SPSB3: variants seen among roughly 807,000 people sequenced by gnomAD.
SPSB3 encodes the protein splA/ryanodine receptor domain and SOCS box containing 3.
A neutral mutation model predicts 29.5 loss-of-function variants in SPSB3; 18 were observed. The ratio of observed to expected loss-of-function variants is 0.61; its 90% confidence interval spans 0.42 to 0.91. The LOEUF is 0.91. Among genes scored for constraint, SPSB3 ranks in the 40% least tolerant of loss-of-function variants. The pLI, the probability that SPSB3 is intolerant of heterozygous loss-of-function variation, is 0.00. For synonymous variants in SPSB3, 299 were observed against 214.1 expected (o/e 1.40, Z -3.46); for missense variants, 540 against 507.5 (o/e 1.06, Z -0.61).
intron 6 of SPSB3, 151 bp from the exon 7 acceptor site, chr16:1,777,594 C>T: frequency 7.2e-7 from 1 of 1,396,700 alleles, no homozygotes; most frequent in Non-Finnish European, 9.6e-7. Flanking sequence ...CCACTCCAGC[C>T]TGGCCTCACT....
chr16:1,778,689 ACCCTGTCCCT>A, intron 2 of SPSB3, 77 bp from the exon 3 acceptor site: 38 of 1,468,332 alleles, frequency 2.6e-5, no homozygotes, highest in Non-Finnish European at 3.1e-5. Context: ...TCCCTGTCCC[ACCCTGTCCCT>A]GACCCACCCA....
chr16:1,777,738 C>T lies in SPSB3; in HGVS notation c.721+9G>A, dbSNP rs763297015. On this transcript the variant is annotated intron_variant, in intron 6 of 6. Coordinates refer to ENST00000566339, the MANE Select transcript of SPSB3 (RefSeq NM_080861.4). ...GCTGAGAGGAGCTCAAGTCCTGTGA[C>T]GGCCTCACCTATACACTTCCTGTTC... 1.4e-5 allele frequency: 23 copies of T among 1,611,092 alleles called. 1 individual carries two copies. The South Asian group carries it at 1.4e-4, about 10-fold the overall frequency.
At position 1,781,342 on chromosome 16, in the gene SPSB3, G is replaced by A. The variant is rs374550636; in HGVS notation, c.126+16C>T. ...ACCTTAGGCCAGCCACGTCCGCCTCGCCCGCTGGAACCTACCTGCCCATCA... is the reference window on the plus strand; with the variant it reads ...ACCTTAGGCCAGCCACGTCCGCCTCACCCGCTGGAACCTACCTGCCCATCA... On this transcript the variant is annotated intron_variant, in intron 2 of 6. Transcript: ENST00000566339. The A allele has an allele frequency of 4.5e-4, 727 of 1,612,706 alleles. 2 individuals are homozygous for A. Among genetic ancestry groups the A allele is most frequent in the Admixed American group, 5.8e-4 (35 of 59,986 alleles).
In SPSB3 at chr16:1,778,615, G is replaced by A; in HGVS notation, c.127-3C>T. On this transcript the variant is annotated splice_polypyrimidine_tract_variant and splice_region_variant and intron_variant, in intron 2 of 6. Transcript: ENST00000566339. ...GGGTCGGAGTCCGAGTCGCTGTGCT[G>A]GGAGAGAAGGGCCGGCTGTTACTAC... The A allele has an allele frequency of 1.0e-5, 16 of 1,541,602 alleles. No homozygotes were observed. The highest frequency in any genetic ancestry group is 1.4e-5 in the African/African-American group (1 of 73,620).
chr16:1,777,053 A>C lies in SPSB3; in HGVS notation c.*44T>G. Reference sequence around the variant, plus strand: ...GACAGAGAAAGAAGGGACAGAGGAAAGGGGCTGTCCCAGCCCAAGAAGGCA... The same window carrying C: ...GACAGAGAAAGAAGGGACAGAGGAACGGGGCTGTCCCAGCCCAAGAAGGCA... On this transcript the variant is annotated 3_prime_UTR_variant, in exon 7 of 7. Transcript: ENST00000566339. 1 of 1,570,440 alleles carries C rather than the reference A, an allele frequency of 6.4e-7. No individual in the cohort carries two copies. The highest frequency in any genetic ancestry group is 2.2e-5 in the East Asian group (1 of 44,540).
intron 1 of SPSB3, chr16:1,781,766 C>A: frequency 4.2e-6 from 2 of 481,058 alleles, no homozygotes. Context: ...CCTCACGAAC[C>A]TGGCTGCCCC....
rs376234209 is a variant in SPSB3, at chr16:1,778,140, G to T, written c.486C>A (p.Thr162=). ...EIKMTSPVYG[T]DMMVGIGTSD... ...CTGGGCCGAAGCAACTTACCATGTC[G>T]GTGCCGTAGACGGGAGAGGTCATCT... Residue 162 remains threonine (T), a synonymous_variant, in exon 4 of 7, where the codon ACC becomes ACA. Coordinates refer to ENST00000566339, the MANE Select transcript of SPSB3 (RefSeq NM_080861.4). 1.5e-4 allele frequency: 248 copies of T among 1,612,676 alleles called. 3 individuals carry two copies. The Admixed American group carries it at 3.8e-3, about 25-fold the overall frequency.
intron 4 of SPSB3, 34 bp from the exon 5 acceptor site, chr16:1,778,082 T>C (rs1452449580): frequency 2.5e-6 from 4 of 1,612,994 alleles, no homozygotes; most frequent in Non-Finnish European, 3.4e-6. Flanking sequence ...GGCGCGGGGC[T>C]GGGCTGCCGG....
At position 1,782,507 on chromosome 16, in the gene SPSB3, G is replaced by A. The variant is rs979775526; in HGVS notation, c.-18C>T. 2.6e-5 allele frequency: 4 copies of A among 152,740 alleles called. No homozygotes were observed. The highest frequency in any genetic ancestry group is 7.2e-5 in the African/African-American group (3 of 41,464). 9.5% of individuals were successfully genotyped at this position (152,740 alleles called of 1,614,324 possible). ...GCCCGTGCCCCGCCACTCACCTGCA[G>A]CCCCCGCTGCGCGCTCCGCCGGCCC... On this transcript the variant is annotated 5_prime_UTR_variant, in exon 1 of 7. Transcript: ENST00000566339.
chr16:1,777,057 G>A lies in SPSB3; in HGVS notation c.*40C>T, dbSNP rs563481366. ...GAGAAAGAAGGGACAGAGGAAAGGG[G>A]CTGTCCCAGCCCAAGAAGGCAGTTC... On this transcript the variant is annotated 3_prime_UTR_variant, in exon 7 of 7. Transcript: ENST00000566339. 8.2e-6 allele frequency: 13 copies of A among 1,588,158 alleles called. No homozygotes were observed. Among genetic ancestry groups the A allele is most frequent in the Middle Eastern group, 1.7e-4 (1 of 5,950 alleles).
chr16:1,778,361 C>T, intron 3 of SPSB3, 40 bp from the exon 4 acceptor site: 1 of 1,610,658 alleles, frequency 6.2e-7, no homozygotes, highest in Non-Finnish European at 8.5e-7. Context: ...CTGAGAGCTC[C>T]ATGGGGCTCT....
chr16:1,779,275 T>C (rs140094914), intron 2 of SPSB3: 3 of 152,416 alleles, frequency 2.0e-5, no homozygotes, highest in African/African-American at 7.2e-5. Flanking sequence ...TGGGAGGCAG[T>C]GCCCCTCCCA....
chr16:1,777,259 C>T lies in SPSB3; in HGVS notation c.906G>A (p.Pro302=), dbSNP rs373221053. The T allele has an allele frequency of 1.4e-4, 226 of 1,610,350 alleles. No individual in the cohort carries two copies. The highest frequency in any genetic ancestry group is 2.5e-4 in the Admixed American group (15 of 60,000). Residue 302 remains proline, a synonymous_variant, in exon 7 of 7, where the codon CCG becomes CCA. Coordinates refer to ENST00000566339, the MANE Select transcript of SPSB3 (RefSeq NM_080861.4). The part of the protein sequence containing the change: ...SGDTLEGLPL[P]PGLKQVLHNK... Reference sequence around the variant, plus strand: ...TGTGTAGCACCTGCTTGAGGCCCGGCGGCAGCGGCAGACCCTCCAGCGTGT... The same window carrying T: ...TGTGTAGCACCTGCTTGAGGCCCGGTGGCAGCGGCAGACCCTCCAGCGTGT...
At chr16:1,781,300 G>C in intron 2 of SPSB3, 58 bp downstream of exon 2, 5 of 1,612,526 alleles carry the variant, frequency 3.1e-6, no homozygotes, top group Non-Finnish European at 4.2e-6. Flanking sequence ...CTGCCTGCCT[G>C]CCTAGGGCAT....
chr16:1,777,241 C>T lies in SPSB3; in HGVS notation c.924G>A (p.Val308=). Residue 308 remains valine, a synonymous_variant, in exon 7 of 7, where the codon GTG becomes GTA. Coordinates refer to ENST00000566339, the MANE Select transcript of SPSB3 (RefSeq NM_080861.4). ...GLPLPPGLKQ[V]LHNKLGWVLS... is the part of the protein sequence containing the mutation. ...GGACCCAGCCCAGCTTGTTGTGTAG[C>T]ACCTGCTTGAGGCCCGGCGGCAGCG... 1 of 1,610,804 alleles carries T rather than the reference C, an allele frequency of 6.2e-7. No individual in the cohort carries two copies. The highest frequency in any genetic ancestry group is 8.5e-7 in the Non-Finnish European group (1 of 1,179,844).
chr16:1,778,671 G>A, intron 2 of SPSB3, 59 bp from the exon 3 acceptor site: 2 of 1,501,448 alleles, frequency 1.3e-6, no homozygotes, highest in African/African-American at 1.4e-5. Context: ...TCTCACCCTT[G>A]CCCTCTGTCC....
chr16:1,777,164 G>A lies in SPSB3; in HGVS notation c.1001C>T (p.Ala334Val), dbSNP rs372455801. 6.9e-5 allele frequency: 111 copies of A among 1,610,820 alleles called. No individual in the cohort carries two copies. The highest frequency in any genetic ancestry group is 8.6e-5 in the Non-Finnish European group (101 of 1,179,852). Residue 334 changes from alanine (A) to valine (V), a missense_variant, in exon 7 of 7, where the codon GCG becomes GTG. Physicochemically the swap from Ala to Val is moderately conservative, Grantham distance 64. Coordinates refer to ENST00000566339, the MANE Select transcript of SPSB3 (RefSeq NM_080861.4). ...RKAPVSDPQAATSAHPSSREP... is the reference protein window; with the variant it reads ...RKAPVSDPQAVTSAHPSSREP... ...GCGACTGCTGGGGTGGGCGGAGGTC[G>A]CTGCCTGGGGATCGGACACTGGAGC... is the stretch of plus-strand genomic sequence containing the variant.
At chr16:1,777,686 G>A (rs772240739) in intron 6 of SPSB3, 61 bp downstream of exon 6, 39 of 1,595,876 alleles carry the variant, frequency 2.4e-5, no homozygotes, top group Middle Eastern at 2.1e-4. Flanking sequence ...GGGCTGGGGC[G>A]GGGTGGCTGC....
rs986052388 is a variant in SPSB3, at chr16:1,777,017, TGGAA to T, written c.*76_*79del. ...ATCCAACTCCGCCCTGGAGTGTGGC[TGGAA>T]GGAAGGGACAGAGAAAGAAGGGACA... On this transcript the variant is annotated 3_prime_UTR_variant, in exon 7 of 7. Transcript: ENST00000566339. The T allele has an allele frequency of 2.0e-4, 300 of 1,498,020 alleles. No homozygotes were observed. Among genetic ancestry groups the T allele is most frequent in the Non-Finnish European group, 2.6e-4 (285 of 1,106,318 alleles). The allele number at this position is 1,498,020 out of a possible 1,614,324, so 92.8% of individuals were successfully genotyped here. A position where few individuals can be genotyped will look rare whatever the true frequency, so the allele number is the denominator to read the frequency against.
Sources: allele counts gnomAD v4.1 joint callset, GRCh38; gene constraint gnomAD v4.1.1; transcripts MANE v1.5; gene names NCBI Gene and HGNC (gene_info 2026-07-23, HGNC 2026-07-21).